SPOCK1: variants seen among roughly 807,000 people sequenced by gnomAD.
The protein encoded by SPOCK1 is testican-1.
A neutral mutation model predicts 55.3 loss-of-function variants in SPOCK1; 23 were observed. That is an observed-to-expected ratio of 0.42 (90% CI 0.30 to 0.59). The LOEUF is 0.59. SPOCK1 is among the 20% of genes least tolerant of loss of function. SPOCK1 has a pLI of 0.22. For missense variants in SPOCK1, 499 were observed against 552.5 expected (o/e 0.90, Z 0.97); for synonymous variants, 226 against 221.0 (o/e 1.02, Z -0.20).
At chr5:137,284,022 C>T (rs1157726788) in intron 2 of SPOCK1, among the ~76,000 whole-genome samples, 1 of 152,174 alleles carries the variant, frequency 6.6e-6, no homozygotes. Flanking sequence ...TGCCAAGCAC[C>T]GCACTCTGTG....
chr5:137,346,480 C>G (rs576265979), intron 2 of SPOCK1, among the ~76,000 whole-genome samples: 16 of 152,238 alleles, frequency 1.1e-4, no homozygotes, highest in African/African-American at 3.9e-4. Flanking sequence ...AGAAAAAGAC[C>G]GAGATAATCA....
intron 2 of SPOCK1, among the ~76,000 whole-genome samples, chr5:137,402,247 C>T (rs1372854739): frequency 6.6e-6 from 1 of 152,134 alleles, no homozygotes; most frequent in African/African-American, 2.4e-5. Flanking sequence ...TTAGGTTTCT[C>T]TTGGAAAAGC....
chr5:137,247,915 C>A (rs144162787), intron 3 of SPOCK1, among the ~76,000 whole-genome samples: 268 of 152,230 alleles, frequency 1.8e-3, no homozygotes, highest in African/African-American at 6.2e-3. Flanking sequence ...AGGGATCTGC[C>A]CCCCAAAAAC....
At chr5:137,139,643 G>A (rs561306205) in intron 4 of SPOCK1, among the ~76,000 whole-genome samples, 29 of 152,044 alleles carry the variant, frequency 1.9e-4, no homozygotes, top group South Asian at 4.2e-4. Context: ...GTACAGTGCC[G>A]GTGAGCAGCA....
intron 5 of SPOCK1, among the ~76,000 whole-genome samples, chr5:137,097,151 G>A (rs1303431228): frequency 6.6e-6 from 1 of 152,208 alleles, no homozygotes; most frequent in Non-Finnish European, 1.5e-5. Flanking sequence ...GGGAGGAGCT[G>A]GAGTATGATG....
intron 5 of SPOCK1, among the ~76,000 whole-genome samples, chr5:137,083,359 G>C (rs1255193416): frequency 2.0e-5 from 3 of 152,084 alleles, no homozygotes; most frequent in Admixed American, 1.3e-4. Context: ...AAATGAACCT[G>C]GGTTCAAATC....
At chr5:137,326,911 G>A (rs1158890672) in intron 2 of SPOCK1, among the ~76,000 whole-genome samples, 2 of 152,184 alleles carry the variant, frequency 1.3e-5, no homozygotes, top group African/African-American at 4.8e-5. Flanking sequence ...CAAGTGGTGT[G>A]TATTTTGATA....
intron 5 of SPOCK1, among the ~76,000 whole-genome samples, chr5:137,069,685 G>A (rs1391703953): frequency 1.3e-5 from 2 of 152,176 alleles, no homozygotes; most frequent in Admixed American, 6.5e-5. Context: ...GCCCAGAGCC[G>A]GACACAGCTG....
chr5:137,427,674 C>G (rs1247701797), intron 2 of SPOCK1, among the ~76,000 whole-genome samples: 5 of 152,138 alleles, frequency 3.3e-5, no homozygotes, highest in African/African-American at 1.2e-4. Context: ...CTTTGGGAGG[C>G]TGAGGCGGGT....
chr5:137,319,660 A>G (rs1757943787), intron 2 of SPOCK1, among the ~76,000 whole-genome samples: 1 of 152,176 alleles, frequency 6.6e-6, no homozygotes, highest in Non-Finnish European at 1.5e-5. Flanking sequence ...ACAACAACAC[A>G]TGAGGCCGGG....
chr5:136,978,472 A>G lies in SPOCK1; in HGVS notation c.*182T>C, dbSNP rs1037579136. The G allele has an allele frequency of 5.8e-6, 3 of 515,686 alleles. No individual in the cohort carries two copies. The highest frequency in any genetic ancestry group is 2.0e-5 in the African/African-American group (1 of 50,784). 31.9% of individuals were successfully genotyped at this position (515,686 alleles called of 1,614,324 possible). ...AAAAAAACACAACACCCTTTCTCCC[A>G]TACAAACATATGCAAAATCAGAATC... On this transcript the variant is annotated 3_prime_UTR_variant, in exon 11 of 11. Transcript: ENST00000394945.
At chr5:137,354,999 T>C (rs1265494776) in intron 2 of SPOCK1, among the ~76,000 whole-genome samples, 1 of 149,124 alleles carries the variant, frequency 6.7e-6, no homozygotes, top group Non-Finnish European at 1.5e-5. Flanking sequence ...GCCTCCTGGG[T>C]TCAAGTGATT....
chr5:137,414,844 T>C (rs375949049), intron 2 of SPOCK1, among the ~76,000 whole-genome samples: 1 of 152,130 alleles, frequency 6.6e-6, no homozygotes, highest in African/African-American at 2.4e-5. Context: ...AAAAAAGTCA[T>C]AGATAATCCC....
At chr5:137,465,011 C>T (rs1469348167) in intron 2 of SPOCK1, among the ~76,000 whole-genome samples, 1 of 152,022 alleles carries the variant, frequency 6.6e-6, no homozygotes, top group Non-Finnish European at 1.5e-5. Flanking sequence ...TCAGAGAGAA[C>T]GTGCAGAAAA....
intron 2 of SPOCK1, among the ~76,000 whole-genome samples, chr5:137,335,743 C>T (rs1411914271): frequency 1.3e-5 from 2 of 152,218 alleles, no homozygotes; most frequent in Admixed American, 6.5e-5. Flanking sequence ...GGAAAGCAAA[C>T]GTTAATTAAC....
intron 6 of SPOCK1, among the ~76,000 whole-genome samples, chr5:137,006,315 T>C (rs756744792): frequency 2.0e-5 from 3 of 152,212 alleles, no homozygotes; most frequent in Non-Finnish European, 2.9e-5. Flanking sequence ...ATTTTCACCA[T>C]ACTGATTCTT....
At chr5:137,217,956 C>T (rs1561474917) in intron 3 of SPOCK1, among the ~76,000 whole-genome samples, 2 of 152,176 alleles carry the variant, frequency 1.3e-5, no homozygotes, top group East Asian at 3.9e-4. Flanking sequence ...ATCTATATTT[C>T]TACATAGGTA....
At chr5:137,427,585 T>C (rs1362318837) in intron 2 of SPOCK1, among the ~76,000 whole-genome samples, 1 of 152,140 alleles carries the variant, frequency 6.6e-6, no homozygotes, top group African/African-American at 2.4e-5. Flanking sequence ...CACTCTGGGT[T>C]GGAACCCAGA....
intron 2 of SPOCK1, among the ~76,000 whole-genome samples, chr5:137,445,521 A>G (rs995866205): frequency 6.6e-6 from 1 of 152,210 alleles, no homozygotes; most frequent in Non-Finnish European, 1.5e-5. Flanking sequence ...AAGGTCCCTG[A>G]AGAGTATCAT....
Sources: gnomAD v4.1 joint callset for allele counts (sites outside exome capture counted in the v4.1 genomes callset) on GRCh38, gnomAD v4.1.1 for gene constraint, MANE v1.5 for transcripts, NCBI Gene and HGNC (gene_info 2026-07-23, HGNC 2026-07-21) for gene names.